The following CYRIB variants were observed in gnomAD, a reference collection of about 807,000 sequenced individuals.
CYRIB encodes CYFIP related Rac1 interactor B.
CYRIB carries 8 observed loss-of-function variants against 44.2 expected under a neutral mutation model. That is an observed-to-expected ratio of 0.18 (90% CI 0.11 to 0.33). The LOEUF is 0.33. Among genes scored for constraint, CYRIB ranks in the 10% least tolerant of loss-of-function variants. The probability of loss-of-function intolerance (pLI) is 1.00; values close to 1 mark genes in which losing one functional copy is unlikely to be tolerated. For missense variants in CYRIB, 185 were observed against 382.8 expected (o/e 0.48, Z 4.31); for synonymous variants, 131 against 127.2 (o/e 1.03, Z -0.20).
rs192780403 is a variant in CYRIB, at chr8:129,936,136, T to C, written c.-50+3472A>G. Among the ~76,000 whole-genome samples the C allele has an allele frequency of 9.8e-4, 150 of 152,322 alleles. 1 individual carries two copies. The highest frequency in any genetic ancestry group is 1.8e-3 in the Non-Finnish European group (123 of 68,034). ...TGAGATTTGCTGTTTTAAGTATGTT[T>C]TACAAATACTTAATATAAAATATAA... On this transcript the variant is annotated intron_variant, in intron 1 of 11. Transcript: ENST00000519824.
chr8:129,898,222 T>G (rs1207680955), intron 2 of CYRIB, among the ~76,000 whole-genome samples: 6 of 152,130 alleles, frequency 3.9e-5, no homozygotes, highest in Non-Finnish European at 8.8e-5. Flanking sequence ...TGCAGAGGGC[T>G]TTGCATGACG....
chr8:129,963,709 T>C (rs565494234), intron 2 of CYRIB, among the ~76,000 whole-genome samples: 1 of 152,352 alleles, frequency 6.6e-6, no homozygotes, highest in East Asian at 1.9e-4. Flanking sequence ...AGGGCGATGA[T>C]ACTTAAAGCT....
At chr8:129,943,602 T>C (rs1435862633), upstream of CYRIB, among the ~76,000 whole-genome samples, 1 of 7,662 alleles carries the variant, frequency 1.3e-4, no homozygotes, top group African/African-American at 4.4e-4. Flanking sequence ...CTTTTTTTTT[T>C]TTTTTTTTTT....
At chr8:129,951,828 A>G (rs182957458) in intron 2 of CYRIB, among the ~76,000 whole-genome samples, 5 of 152,226 alleles carry the variant, frequency 3.3e-5, no homozygotes, top group East Asian at 1.9e-4. Flanking sequence ...CATCGTTTGT[A>G]TTATGTTTAT....
chr8:129,867,265 A>C (rs938419950), intron 4 of CYRIB, among the ~76,000 whole-genome samples: 1 of 149,880 alleles, frequency 6.7e-6, no homozygotes, highest in African/African-American at 2.5e-5. Flanking sequence ...CTCGAATTAC[A>C]GGCATGTGCC....
At chr8:129,874,409 A>G (rs1176560490) in intron 3 of CYRIB, among the ~76,000 whole-genome samples, 3 of 152,108 alleles carry the variant, frequency 2.0e-5, no homozygotes, top group African/African-American at 7.2e-5. Flanking sequence ...TCGTTGTAAT[A>G]TAAAAAGAAG....
chr8:129,988,389 C>T (rs906369472), intron 1 of CYRIB, among the ~76,000 whole-genome samples: 1 of 152,164 alleles, frequency 6.6e-6, no homozygotes, highest in Non-Finnish European at 1.5e-5. Context: ...GAGAATCTTA[C>T]ACTCAGGAAC....
chr8:129,900,365 T>C (rs1038692830), intron 2 of CYRIB, among the ~76,000 whole-genome samples: 2 of 152,178 alleles, frequency 1.3e-5, no homozygotes, highest in African/African-American at 4.8e-5. Flanking sequence ...TTTGAAATGA[T>C]TGTTAATGCT....
chr8:129,934,889 A>C (rs1041800304), intron 1 of CYRIB, among the ~76,000 whole-genome samples: 1 of 152,238 alleles, frequency 6.6e-6, no homozygotes, highest in Non-Finnish European at 1.5e-5. Flanking sequence ...CCTTAGTTAT[A>C]GATTAAAAGA....
intron 1 of CYRIB, among the ~76,000 whole-genome samples, chr8:129,982,580 G>T (rs2096278066): frequency 1.3e-5 from 2 of 152,268 alleles, no homozygotes; most frequent in South Asian, 4.1e-4. Flanking sequence ...GCACTTCTTA[G>T]GGAATCTTGT....
intron 2 of CYRIB, among the ~76,000 whole-genome samples, chr8:129,946,868 G>C (rs113870380): frequency 1.3e-5 from 2 of 152,038 alleles, no homozygotes; most frequent in African/African-American, 4.8e-5. Flanking sequence ...TGTACCTCAA[G>C]TACACTTTCC....
At chr8:129,893,968 T>C (rs757167850) in intron 2 of CYRIB, among the ~76,000 whole-genome samples, 2 of 152,236 alleles carry the variant, frequency 1.3e-5, no homozygotes, top group Non-Finnish European at 2.9e-5. Context: ...GTGCATTCTT[T>C]GAAAACTGGA....
chr8:129,972,755 T>G (rs1180194464), intron 1 of CYRIB, among the ~76,000 whole-genome samples: 1 of 151,066 alleles, frequency 6.6e-6, no homozygotes, highest in African/African-American at 2.4e-5. Flanking sequence ...CCCACGCACA[T>G]GCACACCACA....
At chr8:129,895,103 GTGTCGGCGGGGT>G (rs1252312370) in intron 2 of CYRIB, among the ~76,000 whole-genome samples, 7 of 125,444 alleles carry the variant, frequency 5.6e-5, no homozygotes, top group Admixed American at 4.3e-4. Flanking sequence ...ATGCTAGTGT[GTGTCGGCGGGGT>G]TGGGGTGGGG....
intron 1 of CYRIB, among the ~76,000 whole-genome samples, chr8:129,983,009 T>TAAAAA (rs3077880): frequency 8.7e-5 from 12 of 138,162 alleles, no homozygotes; most frequent in African/African-American, 3.2e-4. Flanking sequence ...GTAGAGCTGT[T>TAAAAA]AAAAAAAAAA....
intron 1 of CYRIB, among the ~76,000 whole-genome samples, chr8:129,921,681 A>G (rs1283367545): frequency 6.6e-6 from 1 of 152,236 alleles, no homozygotes; most frequent in Non-Finnish European, 1.5e-5. Flanking sequence ...TGTGACAGAC[A>G]TTATATGCCT....
intron 1 of CYRIB, among the ~76,000 whole-genome samples, chr8:129,906,258 A>C (rs1203630489): frequency 1.3e-5 from 2 of 152,232 alleles, no homozygotes; most frequent in East Asian, 3.8e-4. Flanking sequence ...ACAGAGATAT[A>C]GACCAATGGA....
chr8:130,010,209 G>A (rs891355608), intron 1 of CYRIB, among the ~76,000 whole-genome samples: 3 of 152,198 alleles, frequency 2.0e-5, no homozygotes, highest in African/African-American at 7.2e-5. Flanking sequence ...GTGGATTTAA[G>A]TGCCTAGTCC....
chr8:129,911,645 C>T (rs764722001), intron 1 of CYRIB, among the ~76,000 whole-genome samples: 9 of 150,692 alleles, frequency 6.0e-5, no homozygotes, highest in Non-Finnish European at 1.2e-4. Flanking sequence ...CCTAAAAATA[C>T]AAAAATTAGC....
Sources: allele counts gnomAD v4.1 joint callset (sites outside exome capture counted in the v4.1 genomes callset), GRCh38; gene constraint gnomAD v4.1.1; transcripts MANE v1.5; gene names NCBI Gene and HGNC (gene_info 2026-07-23, HGNC 2026-07-21).